Variants in RREB1 observed in about 807,000 individuals in gnomAD.
RREB1 encodes ras responsive element binding protein 1, also known as ras-responsive element-binding protein 1.
RREB1 carries 27 observed loss-of-function variants against 117.8 expected under a neutral mutation model. That is an observed-to-expected ratio of 0.23 (90% CI 0.17 to 0.32). The LOEUF (loss-of-function observed/expected upper bound fraction) is 0.32. Among genes scored for constraint, RREB1 ranks in the 10% least tolerant of loss-of-function variants. The pLI is 1.00. For missense variants in RREB1, 2,577 were observed against 2,378.2 expected (o/e 1.08, Z -1.74); for synonymous variants, 1,298 against 1,026.7 (o/e 1.26, Z -5.05).
intron 1 of RREB1, among the ~76,000 whole-genome samples, chr6:7,158,329 G>C (rs1763483040): frequency 6.6e-6 from 1 of 151,898 alleles, no homozygotes; most frequent in Non-Finnish European, 1.5e-5. Flanking sequence ...TTGTAGGCAG[G>C]TCTCCCTCCC....
At chr6:7,170,063 C>T (rs994571740) in intron 1 of RREB1, among the ~76,000 whole-genome samples, 2 of 152,206 alleles carry the variant, frequency 1.3e-5, no homozygotes, top group South Asian at 2.1e-4. Context: ...CCACACTTTA[C>T]AAAATATTGA....
intron 1 of RREB1, among the ~76,000 whole-genome samples, chr6:7,122,659 T>G (rs1403866688): frequency 6.6e-6 from 1 of 152,240 alleles, no homozygotes; most frequent in Non-Finnish European, 1.5e-5. Flanking sequence ...AATAGCTTGG[T>G]GAAGAGATGG....
At position 7,189,290 on chromosome 6, in the gene RREB1, C is replaced by T. The variant is rs138849531; in HGVS notation, c.393C>T (p.Gly131=). The T allele has an allele frequency of 6.6e-5, 105 of 1,598,946 alleles. No individual in the cohort carries two copies. The Middle Eastern group carries it at 6.6e-4, about 10-fold the overall frequency. Reference sequence around the variant, plus strand: ...GGCCTTACAAGTGCACTGTGTGTGGCCAGTCATTTACCACCAATGGGAACA... The same window carrying T: ...GGCCTTACAAGTGCACTGTGTGTGGTCAGTCATTTACCACCAATGGGAACA... ...GERPYKCTVC[G]QSFTTNGNMH... Residue 131 remains glycine, a synonymous_variant, in exon 6 of 13, where the codon GGC becomes GGT. Coordinates refer to ENST00000379938, the MANE Select transcript of RREB1 (RefSeq NM_001003699.4).
At chr6:7,209,908 C>T (rs1323581552) in intron 6 of RREB1, among the ~76,000 whole-genome samples, 1 of 152,234 alleles carries the variant, frequency 6.6e-6, no homozygotes. Context: ...CACAGTTCAA[C>T]CACGGCTACG....
At position 7,231,511 on chromosome 6, in the gene RREB1, G is replaced by A; in HGVS notation, c.3412G>A (p.Ala1138Thr). 6.2e-7 allele frequency: 1 copy of A among 1,609,510 alleles called. No homozygotes were observed. Among genetic ancestry groups the A allele is most frequent in the Non-Finnish European group, 8.5e-7 (1 of 1,177,930 alleles). Reference protein sequence around the residue: ...EPPAPASSPEAASPTEQGPAG... With the variant: ...EPPAPASSPETASPTEQGPAG... ...TCCCGCTCCAGCCAGCAGCCCAGAG[G>A]CTGCCTCTCCCACCGAGCAGGGCCC... is the stretch of plus-strand genomic sequence containing the variant. The change falls in exon 10 of 13, where the codon GCT (alanine) becomes ACT (threonine). Residue 1138 changes from alanine (A) to threonine (T), a missense_variant. Transcript: ENST00000379938.
intron 1 of RREB1, among the ~76,000 whole-genome samples, chr6:7,141,925 C>T (rs1762614750): frequency 6.6e-6 from 1 of 152,178 alleles, no homozygotes; most frequent in Non-Finnish European, 1.5e-5. Flanking sequence ...GGGCCGGGAG[C>T]GGTGGCCCTC....
chr6:7,170,266 G>A (rs1442704500), intron 1 of RREB1, among the ~76,000 whole-genome samples: 2 of 152,216 alleles, frequency 1.3e-5, no homozygotes, highest in African/African-American at 4.8e-5. Flanking sequence ...CCCATTAAGA[G>A]ATAAACTGTA....
rs1767787984 is a variant in RREB1 at position 7,229,561 on chromosome 6, C to T, written c.1462C>T (p.Pro488Ser). ...GGCTCCCCCTCAGATCAGTCTTCCGCCCTTCTCCAAGGCCCCTGCCGCCCC... is the reference window on the plus strand; with the variant it reads ...GGCTCCCCCTCAGATCAGTCTTCCGTCCTTCTCCAAGGCCCCTGCCGCCCC... ...ASAPPQISLP[P>S]FSKAPAAPLQ... Residue 488 changes from proline to serine, a missense_variant, in exon 10 of 13, where the codon CCC (proline) becomes TCC (serine). Transcript: ENST00000379938. This position sits in a 1 kb window ranked among gnomAD's most constrained non-coding sequence, Gnocchi z 4.5. 2.5e-6 allele frequency: 4 copies of T among 1,613,230 alleles called. No homozygotes were observed. The highest frequency in any genetic ancestry group is 2.5e-6 in the Non-Finnish European group (3 of 1,179,406).
intron 1 of RREB1, among the ~76,000 whole-genome samples, chr6:7,162,880 A>C (rs111441367): frequency 3.3e-5 from 5 of 151,610 alleles, no homozygotes; most frequent in Non-Finnish European, 7.4e-5. Flanking sequence ...AGAGGGTCTC[A>C]CTCTGTTGCC....
intron 1 of RREB1, among the ~76,000 whole-genome samples, chr6:7,153,444 A>ACACACACACACACAC (rs1554118520): frequency 1.4e-4 from 21 of 151,804 alleles, no homozygotes; most frequent in Middle Eastern, 3.4e-3. Flanking sequence ...ACACACACAC[A>ACACACACACACACAC]AATCCTCCAA....
In RREB1 at chr6:7,246,977, G is replaced by A. The variant is rs777236946; in HGVS notation, c.4527G>A (p.Glu1509=). ...CCGAGACCCCGGCAGAGGTGGTGGA[G>A]TCGGCCCCGGGTGCCGGGGAGGCCC... is the stretch of plus-strand genomic sequence containing the variant. The part of the protein sequence containing the change: ...KPPETPAEVV[E]SAPGAGEAPA... Residue 1509 remains glutamate (E), a synonymous_variant, in exon 12 of 13, where the codon GAG becomes GAA. Coordinates refer to ENST00000379938, the MANE Select transcript of RREB1 (RefSeq NM_001003699.4). 3.2e-6 allele frequency: 5 copies of A among 1,581,194 alleles called. No individual in the cohort carries two copies. Among genetic ancestry groups the A allele is most frequent in the Non-Finnish European group, 3.4e-6 (4 of 1,164,670 alleles).
At chr6:7,141,838 C>G (rs1218496688) in intron 1 of RREB1, among the ~76,000 whole-genome samples, 1 of 152,220 alleles carries the variant, frequency 6.6e-6, no homozygotes, top group Admixed American at 6.5e-5. Context: ...GTGGCCGGGC[C>G]AGGAAGCAGG....
Position 7,230,900 on chromosome 6 carries a change from C to T in RREB1, c.2801C>T (p.Pro934Leu). 2 of 1,614,140 alleles carry T rather than the reference C, an allele frequency of 1.2e-6. No homozygotes were observed. Among genetic ancestry groups the T allele is most frequent in the Non-Finnish European group, 1.7e-6 (2 of 1,179,996 alleles). Residue 934 changes from proline to leucine, a missense_variant, in exon 10 of 13, where the codon CCC becomes CTC. Transcript: ENST00000379938. Reference sequence around the variant, plus strand: ...GTCCCCTATGACTGCTCCATGGAGCCCATCGACCTGTCCATCCCCAAGAAC... The same window carrying T: ...GTCCCCTATGACTGCTCCATGGAGCTCATCGACCTGTCCATCCCCAAGAAC... ...SLVPYDCSME[P>L]IDLSIPKNFR...
At chr6:7,168,254 GAAAAAAA>G (rs574593859) in intron 1 of RREB1, among the ~76,000 whole-genome samples, 12 of 72,942 alleles carry the variant, frequency 1.6e-4, no homozygotes, top group Middle Eastern at 0.015. Context: ...GACTCCGTCT[GAAAAAAA>G]AAAAAAAAAA....
chr6:7,135,140 A>G (rs1233351534), intron 1 of RREB1, among the ~76,000 whole-genome samples: 1 of 152,172 alleles, frequency 6.6e-6, no homozygotes, highest in East Asian at 1.9e-4. Flanking sequence ...TGCAAGCCCA[A>G]CCTTGATTAT....
chr6:7,248,416 C>T (rs1310610557), intron 12 of RREB1, 95 bp from the exon 13 acceptor site: 8 of 1,096,228 alleles, frequency 7.3e-6, no homozygotes, highest in South Asian at 5.8e-5. Flanking sequence ...GCCCCCCGCA[C>T]ATAGCCTGGG....
At chr6:7,160,453 T>A (rs1316594345) in intron 1 of RREB1, among the ~76,000 whole-genome samples, 1 of 152,238 alleles carries the variant, frequency 6.6e-6, no homozygotes, top group Non-Finnish European at 1.5e-5. Flanking sequence ...GAATCTTAAA[T>A]GTGCCAGCTA....
At chr6:7,140,026 C>CAAG (rs1762496291) in intron 1 of RREB1, among the ~76,000 whole-genome samples, 1 of 152,152 alleles carries the variant, frequency 6.6e-6, no homozygotes, top group Non-Finnish European at 1.5e-5. Flanking sequence ...GAGTGTACTG[C>CAAG]AAGAGACAGA....
rs929872340 is a variant in RREB1, at chr6:7,188,610, A to G, written c.262-549A>G. Reference sequence around the variant, plus strand: ...ATGAGTGTAGAACAGTGAAGGATTGATGACCTAGTAAAATCATGACATAGT... The same window carrying G: ...ATGAGTGTAGAACAGTGAAGGATTGGTGACCTAGTAAAATCATGACATAGT... On this transcript the variant is annotated intron_variant, in intron 5 of 12. Coordinates refer to ENST00000379938, the MANE Select transcript of RREB1 (RefSeq NM_001003699.4). 3.9e-5 allele frequency among the ~76,000 whole-genome samples: 6 copies of G among 152,274 alleles called. No homozygotes were observed. The East Asian group carries it at 5.8e-4, about 15-fold the overall frequency.
Sources: gnomAD v4.1 joint callset for allele counts (sites outside exome capture counted in the v4.1 genomes callset) on GRCh38, gnomAD v4.1.1 for gene constraint, Gnocchi (gnomAD v3.1) non-coding constraint, MANE v1.5 for transcripts, NCBI Gene and HGNC (gene_info 2026-07-23, HGNC 2026-07-21) for gene names.